Variants in RAPH1 observed in about 807,000 individuals in gnomAD.
RAPH1 encodes the protein ras-associated and pleckstrin homology domains-containing protein 1.
RAPH1 carries 18 observed loss-of-function variants against 88.1 expected under a neutral mutation model. That is an observed-to-expected ratio of 0.20 (90% CI 0.14 to 0.30). RAPH1 has a LOEUF of 0.30. Among genes scored for constraint, RAPH1 ranks in the 10% least tolerant of loss-of-function variants. RAPH1 has a pLI of 1.00. For synonymous variants in RAPH1, 587 were observed against 559.0 expected, an observed-to-expected ratio of 1.05 and a Z score of -0.71; for missense variants, 1,448 against 1,543.2, an observed-to-expected ratio of 0.94 and a Z score of 1.03.
chr2:203,481,821 C>T (rs1191839420), intron 4 of RAPH1, among the ~76,000 whole-genome samples: 1 of 148,664 alleles, frequency 6.7e-6, no homozygotes, highest in Non-Finnish European at 1.5e-5. Context: ...AGGCTGGTCT[C>T]GAACTTCTGA....
rs757159541 is a variant in RAPH1, at chr2:203,440,357, T to C, written c.2833A>G (p.Thr945Ala). 6.3e-7 allele frequency: 1 copy of C among 1,581,068 alleles called. No homozygotes were observed. Residue 945 changes from threonine to alanine, a missense_variant, in exon 14 of 14, where the codon ACA (threonine) becomes GCA (alanine). Thr to Ala is a moderately conservative substitution (Grantham distance 58, BLOSUM62 0). Transcript: ENST00000319170. ...VPAPPPPPPP[T>A]ASPTPDKSGS... ...CTTTTGTCAGGGGTAGGAGAAGCTG[T>C]GGGTGGAGGTGGTGGTGGTGGGGCT... is the stretch of plus-strand genomic sequence containing the variant.
intron 4 of RAPH1, among the ~76,000 whole-genome samples, chr2:203,486,560 T>C (rs1272258873): frequency 6.6e-6 from 1 of 152,214 alleles, no homozygotes; most frequent in Non-Finnish European, 1.5e-5. Context: ...GTAAAGTCCC[T>C]AAGAATCAGC....
chr2:203,436,258 T>C lies in RAPH1; in HGVS notation c.*3179A>G, dbSNP rs2098498419. The C allele has an allele frequency of 6.6e-6, 1 of 152,210 alleles. No homozygotes were observed. The highest frequency in any genetic ancestry group is 1.5e-5 in the Non-Finnish European group (1 of 68,044). The allele number at this position is 152,210 out of a possible 1,614,324, so 9.4% of individuals were successfully genotyped here. ...GTTTACTTTGTTTGAAATTTTCTGA[T>C]GAAAAGTCTTTTGTAACTTAACATT... On this transcript the variant is annotated 3_prime_UTR_variant, in exon 14 of 14. Coordinates refer to ENST00000319170, the MANE Select transcript of RAPH1 (RefSeq NM_213589.3).
chr2:203,481,361 C>T (rs1468935321), intron 4 of RAPH1, among the ~76,000 whole-genome samples: 1 of 152,068 alleles, frequency 6.6e-6, no homozygotes, highest in Non-Finnish European at 1.5e-5. Context: ...GATAACCATG[C>T]CCTCCACAAG....
Position 203,459,998 on chromosome 2 carries a change from A to G in RAPH1, c.1001T>C (p.Val334Ala). Residue 334 changes from valine (V) to alanine (A), a missense_variant, in exon 7 of 14, where the codon GTT becomes GCT. Coordinates refer to ENST00000319170, the MANE Select transcript of RAPH1 (RefSeq NM_213589.3). Reference protein sequence around the residue: ...ERIFEDHENLVENLLNWTRDS... With the variant: ...ERIFEDHENLAENLLNWTRDS... Reference sequence around the variant, plus strand: ...TCTTGTCCAATTAAGAAGATTTTCAACCAAGTTTTCATGGTCTTCAAAGAT... The same window carrying G: ...TCTTGTCCAATTAAGAAGATTTTCAGCCAAGTTTTCATGGTCTTCAAAGAT... The G allele has an allele frequency of 6.2e-7, 1 of 1,609,986 alleles. No homozygotes were observed. Among genetic ancestry groups the G allele is most frequent in the Non-Finnish European group, 8.5e-7 (1 of 1,177,070 alleles).
chr2:203,480,319 C>G (rs1178055267), intron 4 of RAPH1, among the ~76,000 whole-genome samples: 1 of 152,116 alleles, frequency 6.6e-6, no homozygotes, highest in Non-Finnish European at 1.5e-5. Context: ...GAGGCCCAGG[C>G]GGGTGAATCA....
intron 1 of RAPH1, among the ~76,000 whole-genome samples, chr2:203,512,076 G>A (rs1160577206): frequency 6.6e-6 from 1 of 151,972 alleles, no homozygotes; most frequent in Non-Finnish European, 1.5e-5. Context: ...TCGCACCAAT[G>A]CACTCCAGCC....
intron 4 of RAPH1, among the ~76,000 whole-genome samples, chr2:203,480,421 G>A (rs944563086): frequency 5.3e-5 from 8 of 152,214 alleles, no homozygotes; most frequent in Admixed American, 3.9e-4. Flanking sequence ...GGTGGTGCGC[G>A]CCTATAGTCA....
chr2:203,469,586 A>G (rs1292006265), intron 4 of RAPH1, among the ~76,000 whole-genome samples: 2 of 152,244 alleles, frequency 1.3e-5, no homozygotes, highest in East Asian at 3.8e-4. Context: ...AGCTAATGAA[A>G]TAAAAACATG....
intron 1 of RAPH1, among the ~76,000 whole-genome samples, chr2:203,530,032 C>G (rs1337089253): frequency 6.6e-6 from 1 of 152,140 alleles, no homozygotes; most frequent in African/African-American, 2.4e-5. Flanking sequence ...CTCTATTATG[C>G]CTAGCTCTGC....
intron 3 of RAPH1, among the ~76,000 whole-genome samples, chr2:203,490,317 C>CA (rs1360632730): frequency 1.3e-5 from 2 of 152,162 alleles, no homozygotes; most frequent in Non-Finnish European, 2.9e-5. Flanking sequence ...AGTTCAAAGA[C>CA]AAAAACACTA....
At chr2:203,519,840 T>A (rs1397035174) in intron 1 of RAPH1, among the ~76,000 whole-genome samples, 1 of 152,240 alleles carries the variant, frequency 6.6e-6, no homozygotes. Context: ...TGGGAGCTAA[T>A]GCATTTCAGG....
intron 1 of RAPH1, among the ~76,000 whole-genome samples, chr2:203,527,049 G>A (rs185976131): frequency 4.7e-4 from 72 of 152,260 alleles, no homozygotes; most frequent in African/African-American, 1.7e-3. Context: ...CTCCCAAAGT[G>A]CTGGGATTAC....
At chr2:203,526,625 T>C (rs1324571711) in intron 1 of RAPH1, among the ~76,000 whole-genome samples, 1 of 143,312 alleles carries the variant, frequency 7.0e-6, no homozygotes, top group East Asian at 2.1e-4. Context: ...CTTGGGAGGC[T>C]GAGGCAGGAG....
chr2:203,510,036 A>G (rs1235531063), intron 1 of RAPH1, among the ~76,000 whole-genome samples: 3 of 152,112 alleles, frequency 2.0e-5, no homozygotes, highest in African/African-American at 7.2e-5. Context: ...TTACTTATAA[A>G]TTATACAGTC....
intron 4 of RAPH1, among the ~76,000 whole-genome samples, chr2:203,485,431 G>T (rs183134581): frequency 7.4e-6 from 1 of 135,696 alleles, no homozygotes; most frequent in Non-Finnish European, 1.6e-5. Flanking sequence ...AAAAAAAAAA[G>T]AGTTACACTG....
Position 203,440,981 on chromosome 2 carries a change from G to C in RAPH1, c.2209C>G (p.Leu737Val). 6.3e-7 allele frequency: 1 copy of C among 1,580,728 alleles called. No homozygotes were observed. Among genetic ancestry groups the C allele is most frequent in the South Asian group, 1.2e-5 (1 of 86,536 alleles). Residue 737 changes from leucine to valine, a missense_variant, in exon 14 of 14, where the codon CTT becomes GTT. Physicochemically the swap from Leu to Val is conservative, Grantham distance 32 (BLOSUM62 1). Transcript: ENST00000319170. ...QLKPAPCAPS[L>V]PQFSAPPPPL... ...GGAGGCGGGGCACTGAACTGTGGAAGGGATGGGGCACACGGTGCAGGCTTT... is the reference window on the plus strand; with the variant it reads ...GGAGGCGGGGCACTGAACTGTGGAACGGATGGGGCACACGGTGCAGGCTTT...
At chr2:203,467,771 T>C (rs532564116) in intron 4 of RAPH1, among the ~76,000 whole-genome samples, 42 of 152,134 alleles carry the variant, frequency 2.8e-4, no homozygotes, top group African/African-American at 1.0e-3. Context: ...TTTAAACTTT[T>C]TGTTTTTTGG....
In RAPH1 at chr2:203,461,238, A is replaced by T. The variant is rs372450626; in HGVS notation, c.970+11T>A. The T allele has an allele frequency of 5.0e-5, 76 of 1,525,822 alleles. No individual in the cohort carries two copies. In the African/African-American group the frequency reaches 9.2e-4, roughly 19 times the overall value. The allele number at this position is 1,525,822 out of a possible 1,614,324, so 94.5% of individuals were successfully genotyped here. On this transcript the variant is annotated intron_variant, in intron 6 of 13. Coordinates refer to ENST00000319170, the MANE Select transcript of RAPH1 (RefSeq NM_213589.3). ...AAATTAGAAAGCAATTAAAGCAATGATATTACTAACCCATTTGTAATTCAG... is the reference window on the plus strand; with the variant it reads ...AAATTAGAAAGCAATTAAAGCAATGTTATTACTAACCCATTTGTAATTCAG...
Sources: allele counts gnomAD v4.1 joint callset (sites outside exome capture counted in the v4.1 genomes callset), GRCh38; gene constraint gnomAD v4.1.1; transcripts MANE v1.5; gene names NCBI Gene and HGNC (gene_info 2026-07-23, HGNC 2026-07-21).